The following ATPAF2 variants were observed in gnomAD, a reference collection of about 807,000 sequenced individuals.
ATPAF2 encodes the protein ATP synthase mitochondrial F1 complex assembly factor 2, also known as ATP12 homolog.
Under a neutral mutation model 36.6 loss-of-function variants are expected in ATPAF2, and 30 were observed. The observed-to-expected ratio is 0.82, with a 90% CI of 0.61 to 1.11. The LOEUF (loss-of-function observed/expected upper bound fraction) is 1.11. Ranked by LOEUF, ATPAF2 falls within the 50% of genes most tolerant of loss-of-function variation. ATPAF2 has a pLI of 0.00. For missense variants in ATPAF2, 321 were observed against 372.3 expected (o/e 0.86, Z 1.13); for synonymous variants, 140 against 152.6 (o/e 0.92, Z 0.61).
chr17:18,031,520 C>T (rs1451112812), intron 1 of ATPAF2, among the ~76,000 whole-genome samples: 2 of 151,820 alleles, frequency 1.3e-5, no homozygotes, highest in Non-Finnish European at 2.9e-5. Flanking sequence ...GGTGGTCACG[C>T]CTGTAATCCC....
At chr17:18,019,187 C>CACACACACACACACACACA (rs1256217214) in intron 7 of ATPAF2, among the ~76,000 whole-genome samples, 22 of 40,460 alleles carry the variant, frequency 5.4e-4, no homozygotes, top group African/African-American at 1.9e-3. Context: ...ACACACACAC[C>CACACACACACACACACACA]CCACCACCCC....
chr17:18,024,670 G>GACA lies in ATPAF2; in HGVS notation c.456_457insTGT (p.Glu152_Leu153insCys). On this transcript the variant is annotated inframe_insertion, in exon 5 of 8. Coordinates refer to ENST00000474627, the MANE Select transcript of ATPAF2 (RefSeq NM_145691.4). ...ATTGGATCCCACTCATTCCTTTGAA[G>GACA]TTCCACTAATGTCTCGGGCTCCTCC... is the stretch of plus-strand genomic sequence containing the variant. 1.2e-6 allele frequency: 2 copies of GACA among 1,614,038 alleles called. No homozygotes were observed. The highest frequency in any genetic ancestry group is 1.7e-6 in the Non-Finnish European group (2 of 1,179,964).
At chr17:18,038,752 G>T (rs1383423386) in intron 1 of ATPAF2, 129 bp downstream of exon 1, 1 of 1,348,342 alleles carries the variant, frequency 7.4e-7, no homozygotes, top group East Asian at 2.3e-5. Context: ...TCTGTAAAAA[G>T]ACCTGACTGG....
chr17:18,024,168 A>G (rs186326514), intron 5 of ATPAF2, among the ~76,000 whole-genome samples: 5 of 152,372 alleles, frequency 3.3e-5, no homozygotes, highest in Admixed American at 2.0e-4. Flanking sequence ...TACATGCATC[A>G]ATTCATTTAT....
downstream of ATPAF2, chr17:18,016,663 C>A (rs1439880850): frequency 1.4e-5 from 23 of 1,607,716 alleles, no homozygotes; most frequent in Non-Finnish European, 2.0e-5. Flanking sequence ...TGGCGACATC[C>A]TAGACTAGAT....
intron 1 of ATPAF2, among the ~76,000 whole-genome samples, chr17:18,032,639 C>G (rs1357638880): frequency 6.6e-6 from 1 of 152,188 alleles, no homozygotes; most frequent in Non-Finnish European, 1.5e-5. Flanking sequence ...CCAGGACATA[C>G]AAGTCCTGGG....
intron 1 of ATPAF2, among the ~76,000 whole-genome samples, chr17:18,033,062 A>G (rs1257707559): frequency 2.6e-5 from 4 of 152,074 alleles, no homozygotes; most frequent in Non-Finnish European, 4.4e-5. Context: ...AAGGCTCCAC[A>G]CAGGCATACA....
chr17:18,015,714 C>T, downstream of ATPAF2: 1 of 208,828 alleles, frequency 4.8e-6, no homozygotes, highest in Non-Finnish European at 9.9e-6. Flanking sequence ...GCAAGTTAGA[C>T]TTGAGAGTAA....
intron 7 of ATPAF2, among the ~76,000 whole-genome samples, chr17:18,019,147 C>CCACA (rs138932269): frequency 0.13 from 18,041 of 135,370 alleles, 1,210 homozygotes; most frequent in South Asian, 0.18. Context: ...CTCAAAAACA[C>CCACA]CACACACACA....
intron 1 of ATPAF2, among the ~76,000 whole-genome samples, chr17:18,032,567 C>G (rs965803283): frequency 6.6e-6 from 1 of 152,158 alleles, no homozygotes; most frequent in African/African-American, 2.4e-5. Context: ...CCTGAATGAC[C>G]CACTGACACT....
chr17:18,026,197 T>C, intron 4 of ATPAF2, 122 bp downstream of exon 4: 1 of 972,594 alleles, frequency 1.0e-6, no homozygotes, highest in Non-Finnish European at 1.7e-6. Flanking sequence ...CAAAGTCAAG[T>C]GGGCCACCTT....
At chr17:18,021,481 T>C (rs1345593341) in intron 6 of ATPAF2, 2 of 632,520 alleles carry the variant, frequency 3.2e-6, no homozygotes, top group African/African-American at 1.8e-5. Context: ...AGTCTAGTGA[T>C]TGGTTCATGG....
downstream of ATPAF2, among the ~76,000 whole-genome samples, chr17:18,017,553 G>A (rs1000137223): frequency 3.9e-5 from 6 of 152,244 alleles, no homozygotes; most frequent in Non-Finnish European, 7.3e-5. Context: ...GTGCAGGCAG[G>A]GCATCCCAGC....
At chr17:18,033,438 A>G (rs887649143) in intron 1 of ATPAF2, among the ~76,000 whole-genome samples, 1 of 151,906 alleles carries the variant, frequency 6.6e-6, no homozygotes, top group Non-Finnish European at 1.5e-5. Context: ...GTCACATAAG[A>G]CAAAATGTGA....
At chr17:18,024,577 A>G (rs761113722) in intron 5 of ATPAF2, 47 bp downstream of exon 5, 3 of 1,539,988 alleles carry the variant, frequency 1.9e-6, no homozygotes, top group Admixed American at 3.3e-5. Flanking sequence ...ACACTCCACC[A>G]AACGCAGGTG....
chr17:18,027,612 G>T (rs1256707122), intron 3 of ATPAF2, among the ~76,000 whole-genome samples: 1 of 152,236 alleles, frequency 6.6e-6, no homozygotes, highest in Non-Finnish European at 1.5e-5. Flanking sequence ...TTTAGAAGCT[G>T]CAGAGGCTGG....
intron 2 of ATPAF2, 38 bp from the exon 3 acceptor site, chr17:18,028,415 A>T: frequency 6.2e-7 from 1 of 1,608,432 alleles, no homozygotes; most frequent in Non-Finnish European, 8.5e-7. Flanking sequence ...GGGATTTGTT[A>T]AGTGGAATCA....
At chr17:18,016,743 C>T (rs1477081416), downstream of ATPAF2, 1 of 904,150 alleles carries the variant, frequency 1.1e-6, no homozygotes, top group Non-Finnish European at 1.8e-6. Context: ...GTGCACACGC[C>T]TCACCCGCAC....
At chr17:18,028,762 G>A in intron 1 of ATPAF2, 103 bp from the exon 2 acceptor site, 2 of 1,117,278 alleles carry the variant, frequency 1.8e-6, no homozygotes, top group Non-Finnish European at 2.7e-6. Context: ...TGATTGATTG[G>A]CTTGATTTTC....
Sources: gnomAD v4.1 joint callset for allele counts (sites outside exome capture counted in the v4.1 genomes callset) on GRCh38, gnomAD v4.1.1 for gene constraint, MANE v1.5 for transcripts, NCBI Gene and HGNC (gene_info 2026-07-23, HGNC 2026-07-21) for gene names.